Variants in KCNMA1 observed in about 807,000 individuals in gnomAD.
KCNMA1 encodes the protein potassium calcium-activated channel subfamily M alpha 1.
In KCNMA1, 29 loss-of-function variants were observed where a neutral mutation model predicts 140.0. The observed-to-expected ratio is 0.21, with a 90% CI of 0.15 to 0.28. The LOEUF is 0.28. KCNMA1 is among the 10% of genes least tolerant of loss of function. The pLI, the probability that KCNMA1 is intolerant of heterozygous loss-of-function variation, is 1.00. For synonymous variants in KCNMA1, 612 were observed against 611.9 expected (o/e 1.00, Z 0.00); for missense variants, 880 against 1,602.2 (o/e 0.55, Z 7.70).
In KCNMA1 at chr10:76,965,776, T is replaced by C. The variant is rs192320765; in HGVS notation, c.2360+4198A>G. ...TGGGGGCAAGAGTAATAACTACTTA[T>C]AGAGTTGTAGTTAGGACTCAGTGAG... On this transcript the variant is annotated intron_variant, in intron 20 of 27. Transcript: ENST00000286628. Among the ~76,000 whole-genome samples the C allele has an allele frequency of 2.1e-4, 32 of 152,294 alleles. No individual in the cohort carries two copies. The East Asian group carries it at 5.8e-3, about 28-fold the overall frequency.
At chr10:76,909,802 T>C (rs568704948) in intron 25 of KCNMA1, among the ~76,000 whole-genome samples, 164 bp downstream of exon 25, 124 of 152,312 alleles carry the variant, frequency 8.1e-4, no homozygotes, top group African/African-American at 2.7e-3. Context: ...AACATTTACT[T>C]GTGTGATGGT....
chr10:77,145,758 A>T (rs548876663), intron 5 of KCNMA1, among the ~76,000 whole-genome samples: 1 of 152,350 alleles, frequency 6.6e-6, no homozygotes, highest in Non-Finnish European at 1.5e-5. Context: ...GTAATAGTAC[A>T]TTTATTCAAC....
At chr10:77,238,142 T>C (rs1287476447) in intron 3 of KCNMA1, among the ~76,000 whole-genome samples, 2 of 152,226 alleles carry the variant, frequency 1.3e-5, no homozygotes, top group Admixed American at 1.3e-4. Flanking sequence ...GCTCCTCTTC[T>C]GTTTTCTGTC....
intron 3 of KCNMA1, among the ~76,000 whole-genome samples, chr10:77,223,192 G>A (rs183422231): frequency 6.6e-6 from 1 of 151,620 alleles, no homozygotes; most frequent in Non-Finnish European, 1.5e-5. Context: ...TCATGCCATT[G>A]CACTCCAGCT....
chr10:77,234,731 T>C (rs2054801404), intron 3 of KCNMA1, among the ~76,000 whole-genome samples: 1 of 152,232 alleles, frequency 6.6e-6, no homozygotes, highest in African/African-American at 2.4e-5. Flanking sequence ...TCATTAACCA[T>C]ACTTACAGTT....
chr10:77,452,547 CA>C (rs992352048), intron 1 of KCNMA1, among the ~76,000 whole-genome samples: 4 of 151,996 alleles, frequency 2.6e-5, no homozygotes, highest in African/African-American at 9.7e-5. Context: ...TATAAATGCG[CA>C]AAAAAAGTCC....
At chr10:77,616,108 T>C (rs955111848) in intron 1 of KCNMA1, among the ~76,000 whole-genome samples, 1 of 152,220 alleles carries the variant, frequency 6.6e-6, no homozygotes, top group African/African-American at 2.4e-5. Context: ...AATTCCAAAC[T>C]AGGCTAAGAG....
At chr10:77,579,476 T>C (rs1425614563) in intron 1 of KCNMA1, among the ~76,000 whole-genome samples, 2 of 152,238 alleles carry the variant, frequency 1.3e-5, no homozygotes, top group Admixed American at 1.3e-4. Context: ...CAATAAAACT[T>C]TATTTATAGA....
chr10:77,610,202 A>T (rs1416333887), intron 1 of KCNMA1, among the ~76,000 whole-genome samples: 1 of 152,144 alleles, frequency 6.6e-6, no homozygotes, highest in African/African-American at 2.4e-5. Flanking sequence ...TAACACACAC[A>T]ATCCCATCCC....
intron 19 of KCNMA1, among the ~76,000 whole-genome samples, chr10:76,997,374 G>A (rs1365579647): frequency 2.0e-5 from 3 of 152,230 alleles, no homozygotes; most frequent in Non-Finnish European, 4.4e-5. Flanking sequence ...AAAGGTTGGT[G>A]TGAGCAATCA....
chr10:76,983,001 C>A (rs866251749), intron 19 of KCNMA1, among the ~76,000 whole-genome samples: 29 of 152,214 alleles, frequency 1.9e-4, no homozygotes, highest in African/African-American at 7.0e-4. Context: ...CACAGCCCAG[C>A]CAGGTAAATT....
chr10:77,022,286 T>C (rs1300111672), intron 16 of KCNMA1, among the ~76,000 whole-genome samples: 1 of 152,206 alleles, frequency 6.6e-6, no homozygotes, highest in East Asian at 1.9e-4. Flanking sequence ...ACATGTGTCA[T>C]GTGAAGAATC....
At chr10:77,334,115 A>G (rs2087798340) in intron 2 of KCNMA1, among the ~76,000 whole-genome samples, 1 of 152,100 alleles carries the variant, frequency 6.6e-6, no homozygotes, top group Admixed American at 6.5e-5. Context: ...TGCTTATTAT[A>G]CTATCGGACA....
chr10:77,481,186 G>A (rs991075510), intron 1 of KCNMA1, among the ~76,000 whole-genome samples: 2 of 151,530 alleles, frequency 1.3e-5, no homozygotes, highest in South Asian at 2.1e-4. Context: ...TACACACAGC[G>A]TGTACATGTT....
chr10:77,010,568 G>A (rs1167489616), intron 18 of KCNMA1, among the ~76,000 whole-genome samples: 1 of 151,992 alleles, frequency 6.6e-6, no homozygotes, highest in Non-Finnish European at 1.5e-5. Flanking sequence ...GTGGAAACAG[G>A]GGGAGGAAAC....
chr10:77,146,701 C>CAAAAAAAAAAAAAAAA (rs5786266), intron 5 of KCNMA1, among the ~76,000 whole-genome samples: 7 of 64,182 alleles, frequency 1.1e-4, no homozygotes, highest in African/African-American at 1.9e-4. Flanking sequence ...GACTTCATCT[C>CAAAAAAAAAAAAAAAA]AAAAAAAAAA....
intron 5 of KCNMA1, among the ~76,000 whole-genome samples, chr10:77,175,032 G>T (rs533699392): frequency 6.6e-6 from 1 of 152,082 alleles, no homozygotes; most frequent in Admixed American, 6.6e-5. Context: ...AAGTCAGTAC[G>T]GTGGCTCCAA....
chr10:77,303,286 G>A (rs1409580915), intron 2 of KCNMA1, among the ~76,000 whole-genome samples: 4 of 152,010 alleles, frequency 2.6e-5, no homozygotes, highest in Admixed American at 2.6e-4. Context: ...CTTAGGGGAA[G>A]GTCTTGTTCT....
chr10:77,544,257 G>T (rs2060894560), intron 1 of KCNMA1, among the ~76,000 whole-genome samples: 1 of 151,372 alleles, frequency 6.6e-6, no homozygotes, highest in Admixed American at 6.6e-5. Flanking sequence ...TGAGATTTTT[G>T]AGTAATTTTT....
Sources: gnomAD v4.1 joint callset for allele counts (sites outside exome capture counted in the v4.1 genomes callset) on GRCh38, gnomAD v4.1.1 for gene constraint, MANE v1.5 for transcripts, NCBI Gene and HGNC (gene_info 2026-07-23, HGNC 2026-07-21) for gene names.